The following MRPL13 variants were observed in gnomAD, a reference collection of about 807,000 sequenced individuals.
MRPL13 encodes the protein mitochondrial ribosomal protein L13.
In MRPL13, 33 loss-of-function variants were observed where a neutral mutation model predicts 29.0. That is an observed-to-expected ratio of 1.14 (90% CI 0.86 to 1.52). MRPL13 has a LOEUF of 1.52. Ranked by LOEUF, MRPL13 falls within the 40% of genes most tolerant of loss-of-function variation. The pLI is 0.00. For missense variants in MRPL13, 227 were observed against 216.7 expected (o/e 1.05, Z -0.30); for synonymous variants, 77 against 68.4 (o/e 1.13, Z -0.62).
intron 3 of MRPL13, among the ~76,000 whole-genome samples, chr8:120,428,860 A>G (rs898288327): frequency 3.3e-5 from 5 of 151,754 alleles, no homozygotes; most frequent in Non-Finnish European, 7.4e-5. Context: ...TGTAGAGAAA[A>G]AGGAATGCTT....
At chr8:120,396,365 A>G (rs1563768771) in intron 6 of MRPL13, among the ~76,000 whole-genome samples, 1 of 152,186 alleles carries the variant, frequency 6.6e-6, no homozygotes, top group Non-Finnish European at 1.5e-5. Flanking sequence ...TTGTGCCTAT[A>G]TAAGAATGTA....
chr8:120,443,203 G>C lies in MRPL13; in HGVS notation c.133C>G (p.Pro45Ala), dbSNP rs762795483. Residue 45 changes from proline (P) to alanine (A), a missense_variant, in exon 2 of 7, where the codon CCT (proline) becomes GCT (alanine). Physicochemically the swap from Pro to Ala is conservative, Grantham distance 27. Coordinates refer to ENST00000306185, the MANE Select transcript of MRPL13 (RefSeq NM_014078.6). Reference sequence around the variant, plus strand: ...TACTTACTCAGTGCATGGTACACAGGTTTATGTAATCCCTGAAGTCTTATA... The same window carrying C: ...TACTTACTCAGTGCATGGTACACAGCTTTATGTAATCCCTGAAGTCTTATA... ...ASIRLQGLHK[P>A]VYHALSDCGD... 1 of 1,606,226 alleles carries C rather than the reference G, an allele frequency of 6.2e-7. No homozygotes were observed. Among genetic ancestry groups the C allele is most frequent in the Admixed American group, 1.7e-5 (1 of 59,060 alleles).
At chr8:120,418,029 C>T (rs1160880422) in intron 5 of MRPL13, among the ~76,000 whole-genome samples, 2 of 152,068 alleles carry the variant, frequency 1.3e-5, no homozygotes, top group African/African-American at 4.8e-5. Flanking sequence ...CCTTTGTACC[C>T]ATAGTCTAGT....
intron 6 of MRPL13, among the ~76,000 whole-genome samples, chr8:120,404,805 T>C (rs759294963): frequency 2.6e-5 from 4 of 152,170 alleles, no homozygotes; most frequent in Non-Finnish European, 4.4e-5. Flanking sequence ...AGCTAGGAGG[T>C]AGATGGCAGG....
intron 6 of MRPL13, among the ~76,000 whole-genome samples, chr8:120,412,389 T>C (rs1812749024): frequency 6.6e-6 from 1 of 152,220 alleles, no homozygotes; most frequent in Non-Finnish European, 1.5e-5. Context: ...AAAATTCTCC[T>C]ATTAAAAACT....
rs369027646 is a variant in MRPL13 at position 120,443,726 on chromosome 8, T to G, written c.28-418A>C. ...GGTCTTCAAAAACATTTAGAGATTA[T>G]TAGGTACATTATATTGAAAGCTGAG... On this transcript the variant is annotated intron_variant, in intron 1 of 6. Coordinates refer to ENST00000306185, the MANE Select transcript of MRPL13 (RefSeq NM_014078.6). Among the ~76,000 whole-genome samples, 123 of 151,980 alleles carry G rather than the reference T, an allele frequency of 8.1e-4. 1 individual carries two copies. Among genetic ancestry groups the G allele is most frequent in the African/African-American group, 2.8e-3 (116 of 41,422 alleles).
intron 2 of MRPL13, 45 bp downstream of exon 2, chr8:120,443,140 C>T: frequency 7.0e-7 from 1 of 1,431,192 alleles, no homozygotes; most frequent in Non-Finnish European, 9.2e-7. Context: ...TCTATTCTGG[C>T]ATGAAAACTA....
intron 6 of MRPL13, among the ~76,000 whole-genome samples, chr8:120,410,087 T>C (rs1812723681): frequency 6.6e-6 from 1 of 152,328 alleles, no homozygotes; most frequent in African/African-American, 2.4e-5. Flanking sequence ...TAGTCTCTAA[T>C]AGAAAAGTTA....
At chr8:120,436,983 GTA>G (rs1195901711) in intron 2 of MRPL13, among the ~76,000 whole-genome samples, 1 of 152,134 alleles carries the variant, frequency 6.6e-6, no homozygotes, top group Non-Finnish European at 1.5e-5. Context: ...TCTGCTGAAT[GTA>G]TAGATACTGT....
At chr8:120,418,749 T>C (rs555057718) in intron 5 of MRPL13, among the ~76,000 whole-genome samples, 1 of 152,188 alleles carries the variant, frequency 6.6e-6, no homozygotes, top group Non-Finnish European at 1.5e-5. Flanking sequence ...TAGGAGTTCT[T>C]AAATTCTTGC....
intron 2 of MRPL13, 95 bp downstream of exon 2, chr8:120,443,077 CAGGAAAAATAAAA>C: frequency 9.0e-7 from 1 of 1,116,052 alleles, no homozygotes. Flanking sequence ...ACAGGATCCT[CAGGAAAAATAAAA>C]AGGGCCCTTA....
In MRPL13 at chr8:120,443,314, G is replaced by C. The variant is rs1563779029; in HGVS notation, c.28-6C>G. The C allele has an allele frequency of 5.4e-6, 8 of 1,470,966 alleles. No homozygotes were observed. The highest frequency in any genetic ancestry group is 7.2e-6 in the Non-Finnish European group (8 of 1,111,732). The allele number at this position is 1,470,966 out of a possible 1,614,324, so 91.1% of individuals were successfully genotyped here. A position where few individuals can be genotyped will look rare whatever the true frequency, so the allele number is the denominator to read the frequency against. ...CTAGCAAAAGTGGCCCATTGCTTGG[G>C]GGGGAAAAAAAAAAAAAAGAAGAGG... On this transcript the variant is annotated splice_polypyrimidine_tract_variant and splice_region_variant and intron_variant, in intron 1 of 6. Transcript: ENST00000306185.
At chr8:120,406,500 G>A (rs1487467632) in intron 6 of MRPL13, among the ~76,000 whole-genome samples, 3 of 151,648 alleles carry the variant, frequency 2.0e-5, no homozygotes, top group African/African-American at 7.3e-5. Flanking sequence ...TAGTGAGCAG[G>A]ACCCAGTCCT....
intron 2 of MRPL13, among the ~76,000 whole-genome samples, chr8:120,432,963 C>T (rs948500028): frequency 9.2e-5 from 14 of 151,972 alleles, no homozygotes; most frequent in African/African-American, 2.9e-4. Flanking sequence ...ATAAGAAATA[C>T]AAGTACAATA....
rs1812511872 is a variant in MRPL13 at position 120,395,472 on chromosome 8, T to C, written c.*632A>G. 1 of 152,212 alleles carries C rather than the reference T, an allele frequency of 6.6e-6. No homozygotes were observed. Among genetic ancestry groups the C allele is most frequent in the Non-Finnish European group, 1.5e-5 (1 of 68,150 alleles). 9.4% of individuals were successfully genotyped at this position (152,212 alleles called of 1,614,324 possible). A position where few individuals can be genotyped will look rare whatever the true frequency, so the allele number is the denominator to read the frequency against. ...TGAATGGAAGCCAACAGGACAGATA[T>C]GGGAAAACAGTGTGGAGAGTCTACA... On this transcript the variant is annotated 3_prime_UTR_variant, in exon 7 of 7. Coordinates refer to ENST00000306185, the MANE Select transcript of MRPL13 (RefSeq NM_014078.6).
chr8:120,426,786 T>C (rs1312472917), intron 3 of MRPL13, among the ~76,000 whole-genome samples: 1 of 152,148 alleles, frequency 6.6e-6, no homozygotes, highest in Non-Finnish European at 1.5e-5. Flanking sequence ...TGAAATTAAT[T>C]CAATAAACAC....
intron 2 of MRPL13, among the ~76,000 whole-genome samples, chr8:120,435,093 G>A (rs1389636609): frequency 1.3e-5 from 2 of 152,196 alleles, no homozygotes; most frequent in East Asian, 1.9e-4. Context: ...TTTAAAATTT[G>A]CTTTATAATC....
rs200829263 is a variant in MRPL13, at chr8:120,396,128, G to A, written c.516-3C>T. The A allele has an allele frequency of 6.3e-7, 1 of 1,577,818 alleles. No individual in the cohort carries two copies. The highest frequency in any genetic ancestry group is 8.7e-7 in the Non-Finnish European group (1 of 1,155,020). On this transcript the variant is annotated splice_polypyrimidine_tract_variant and splice_region_variant and intron_variant, in intron 6 of 6. Coordinates refer to ENST00000306185, the MANE Select transcript of MRPL13 (RefSeq NM_014078.6). ...CTTATAGCCGATAATCTTCAGGTCT[G>A]AAAGAAAAAATCAACATATTTCTTC...
intron 3 of MRPL13, among the ~76,000 whole-genome samples, chr8:120,429,947 A>G (rs762024845): frequency 2.6e-5 from 4 of 152,306 alleles, no homozygotes; most frequent in Non-Finnish European, 4.4e-5. Flanking sequence ...GTACATGTTC[A>G]GTATTGACAC....
Sources: allele counts gnomAD v4.1 joint callset (sites outside exome capture counted in the v4.1 genomes callset), GRCh38; gene constraint gnomAD v4.1.1; transcripts MANE v1.5; gene names NCBI Gene and HGNC (gene_info 2026-07-23, HGNC 2026-07-21).